The following MSH4 variants were observed in gnomAD, a reference collection of about 807,000 sequenced individuals.
MSH4 encodes the protein mutS homolog 4.
MSH4 carries 106 observed loss-of-function variants against 113.7 expected under a neutral mutation model. The observed-to-expected ratio is 0.93, with a 90% confidence interval of 0.80 to 1.10. MSH4 has a LOEUF of 1.10. Ranked by LOEUF, MSH4 falls within the 50% of genes least tolerant of loss-of-function variation. The pLI, the probability that MSH4 is intolerant of heterozygous loss-of-function variation, is 0.00. For synonymous variants in MSH4, 368 were observed against 380.2 expected (o/e 0.97, Z 0.37); for missense variants, 1,061 against 1,093.7 (o/e 0.97, Z 0.42).
chr1:75,901,910 A>T (rs1272342287), intron 19 of MSH4, among the ~76,000 whole-genome samples: 1 of 152,092 alleles, frequency 6.6e-6, no homozygotes, highest in African/African-American at 2.4e-5. Context: ...ATGACTGGTG[A>T]TGTTGAACAT....
At chr1:75,797,335 G>T (rs1649839748) in intron 1 of MSH4, 106 bp downstream of exon 1, 4 of 1,427,560 alleles carry the variant, frequency 2.8e-6, no homozygotes, top group Non-Finnish European at 3.7e-6. Context: ...TTGTGATTTG[G>T]TTGGGGCGTG....
At chr1:75,889,488 A>G (rs1163208629) in intron 16 of MSH4, 119 bp downstream of exon 16, 1 of 477,326 alleles carries the variant, frequency 2.1e-6, no homozygotes, top group Admixed American at 3.6e-5. Flanking sequence ...CTTTTCTAAG[A>G]GCCAGAGGGC....
chr1:75,822,303 AAAAG>A, intron 6 of MSH4, 102 bp from the exon 7 acceptor site: 2 of 742,006 alleles, frequency 2.7e-6, no homozygotes, highest in Non-Finnish European at 4.2e-6. Flanking sequence ...AAAAAAAAAA[AAAAG>A]AATCATTGCT....
intron 19 of MSH4, among the ~76,000 whole-genome samples, chr1:75,905,665 ATTGT>A (rs1652609983): frequency 2.6e-5 from 4 of 152,094 alleles, no homozygotes; most frequent in African/African-American, 9.7e-5. Context: ...CCCTACTAGT[ATTGT>A]ATTGCAGTCT....
chr1:75,808,372 C>T (rs1051564658), intron 3 of MSH4, among the ~76,000 whole-genome samples: 1 of 152,152 alleles, frequency 6.6e-6, no homozygotes, highest in Non-Finnish European at 1.5e-5. Flanking sequence ...GTCATTAGTA[C>T]ACTTAAGTGT....
intron 15 of MSH4, among the ~76,000 whole-genome samples, chr1:75,888,098 T>C (rs1363136163): frequency 6.6e-6 from 1 of 150,920 alleles, no homozygotes; most frequent in Non-Finnish European, 1.5e-5. Context: ...GTTATGATTA[T>C]TACTTTTATT....
intron 19 of MSH4, among the ~76,000 whole-genome samples, chr1:75,905,291 G>A (rs943835736): frequency 3.0e-4 from 45 of 149,814 alleles, no homozygotes; most frequent in Admixed American, 8.6e-4. Flanking sequence ...TTTTAATGTC[G>A]TTATTGACCC....
chr1:75,852,027 C>CCATT (rs1364088083), intron 8 of MSH4, among the ~76,000 whole-genome samples: 3 of 152,120 alleles, frequency 2.0e-5, no homozygotes, highest in African/African-American at 7.2e-5. Context: ...CAATAACTTC[C>CCATT]CATTCCTTCT....
At chr1:75,898,186 C>A in intron 18 of MSH4, 105 bp downstream of exon 18, 1 of 729,094 alleles carries the variant, frequency 1.4e-6, no homozygotes, top group Non-Finnish European at 2.1e-6. Context: ...GAAATTTTCT[C>A]ATTCTTTTGA....
chr1:75,799,135 T>C (rs2100498083), intron 1 of MSH4, among the ~76,000 whole-genome samples: 1 of 152,358 alleles, frequency 6.6e-6, no homozygotes, highest in South Asian at 2.1e-4. Context: ...ATTGTCAGTC[T>C]AATCCCTCTC....
chr1:75,817,211 G>C (rs1246301003), intron 6 of MSH4, among the ~76,000 whole-genome samples: 1 of 152,170 alleles, frequency 6.6e-6, no homozygotes, highest in African/African-American at 2.4e-5. Context: ...ACCCAGTTCA[G>C]AACTGGGTAA....
At position 75,797,021 on chromosome 1, in the gene MSH4, T is replaced by A. The variant is rs1436473676; in HGVS notation, c.36T>A (p.Ser12=). 1.2e-6 allele frequency: 2 copies of A among 1,614,122 alleles called. No individual in the cohort carries two copies. Among genetic ancestry groups the A allele is most frequent in the Admixed American group, 1.7e-5 (1 of 60,032 alleles). The change falls in exon 1 of 20, where the codon TCT becomes TCA. Residue 12 remains serine (S), a synonymous_variant. Coordinates refer to ENST00000263187, the MANE Select transcript of MSH4 (RefSeq NM_002440.4). ...LRPEISSTSP[S]APAVSPSSGE... is the part of the protein sequence containing the mutation. ...CTGAGATCTCATCAACCTCGCCTTCTGCCCCGGCGGTTTCCCCGTCGTCGG... is the reference window on the plus strand; with the variant it reads ...CTGAGATCTCATCAACCTCGCCTTCAGCCCCGGCGGTTTCCCCGTCGTCGG...
intron 7 of MSH4, among the ~76,000 whole-genome samples, chr1:75,843,881 G>T (rs1179957434): frequency 1.3e-5 from 2 of 151,694 alleles, no homozygotes; most frequent in East Asian, 3.9e-4. Context: ...GAGTGATCTC[G>T]GCTCACTGTA....
At position 75,876,977 on chromosome 1, in the gene MSH4, C is replaced by G; in HGVS notation, c.1347C>G (p.Tyr449Ter). 6.4e-7 allele frequency: 1 copy of G among 1,562,330 alleles called. No individual in the cohort carries two copies. The highest frequency in any genetic ancestry group is 8.7e-7 in the Non-Finnish European group (1 of 1,154,938). ...KNCNTPLLRA[Y>*]YGSLEDKRFG... is the part of the protein sequence containing the mutation. ...GTAACACACCTTTATTAAGAGCTTA[C>G]TATGGTTCCTTGGAAGACAAGAGGT... Residue 449 changes from tyrosine (Y) to a stop codon, truncating the protein, a stop_gained, in exon 10 of 20, where the codon TAC (tyrosine) becomes TAG (stop). Coordinates refer to ENST00000263187, the MANE Select transcript of MSH4 (RefSeq NM_002440.4). LOFTEE classifies it high-confidence loss of function.
At chr1:75,841,911 G>A (rs536457750) in intron 7 of MSH4, among the ~76,000 whole-genome samples, 2 of 152,158 alleles carry the variant, frequency 1.3e-5, no homozygotes, top group African/African-American at 4.8e-5. Flanking sequence ...AACTATTGGC[G>A]AAAAGAGCCA....
intron 8 of MSH4, among the ~76,000 whole-genome samples, chr1:75,862,315 G>C (rs1651474960): frequency 6.6e-6 from 1 of 152,158 alleles, no homozygotes; most frequent in African/African-American, 2.4e-5. Flanking sequence ...GTCCCAGTGA[G>C]ATGAATCAGG....
At chr1:75,872,027 CA>C (rs1475460427) in intron 9 of MSH4, among the ~76,000 whole-genome samples, 4 of 152,122 alleles carry the variant, frequency 2.6e-5, no homozygotes, top group Non-Finnish European at 5.9e-5. Context: ...TGTGATGTCA[CA>C]AGTGGAAAAT....
rs34304425 is a variant in MSH4, at chr1:75,902,673, GTATATATA to G, written c.2619+3022_2619+3029del. Among the ~76,000 whole-genome samples, 158 of 90,194 alleles carry G rather than the reference GTATATATA, an allele frequency of 1.8e-3. 1 individual carries two copies. The highest frequency in any genetic ancestry group is 2.7e-3 in the African/African-American group (75 of 27,906). 59.2% of individuals were successfully genotyped at this position (90,194 alleles called of 152,430 possible). On this transcript the variant is annotated intron_variant, in intron 19 of 19. Transcript: ENST00000263187. ...AGGTACAGGTGTTATATATGTGTAT[GTATATATA>G]TATATATATATATATATATATATAT...
chr1:75,869,847 GC>G (rs1333546680), intron 9 of MSH4, among the ~76,000 whole-genome samples: 1 of 152,178 alleles, frequency 6.6e-6, no homozygotes, highest in Non-Finnish European at 1.5e-5. Flanking sequence ...ATGGGCAAAA[GC>G]CCCCACACAG....
Sources: allele counts gnomAD v4.1 joint callset (sites outside exome capture counted in the v4.1 genomes callset), GRCh38; gene constraint gnomAD v4.1.1; transcripts MANE v1.5; gene names NCBI Gene and HGNC (gene_info 2026-07-23, HGNC 2026-07-21).